The following RPS6KA6 variants were observed in gnomAD, a reference collection of about 807,000 sequenced individuals.
RPS6KA6 encodes ribosomal protein S6 kinase A6.
A neutral mutation model predicts 65.4 loss-of-function variants in RPS6KA6; 27 were observed. The ratio of observed to expected loss-of-function variants is 0.41; its 90% confidence interval spans 0.30 to 0.57. The LOEUF (loss-of-function observed/expected upper bound fraction) is 0.57. Ranked by LOEUF, RPS6KA6 falls within the 20% of genes least tolerant of loss-of-function variation. The pLI, the probability that RPS6KA6 is intolerant of heterozygous loss-of-function variation, is 0.24. For missense variants in RPS6KA6, 486 were observed against 555.6 expected, an observed-to-expected ratio of 0.87 and a Z score of 1.26; for synonymous variants, 190 against 184.2, an observed-to-expected ratio of 1.03 and a Z score of -0.26.
chrX:84,109,336 C>A (rs192312549), intron 12 of RPS6KA6, among the ~76,000 whole-genome samples: 2 of 111,167 alleles, frequency 1.8e-5, no homozygotes, highest in African/African-American at 6.6e-5. Flanking sequence ...CTTGGGACTT[C>A]GACCACATAA....
intron 1 of RPS6KA6, among the ~76,000 whole-genome samples, chrX:84,184,466 G>C (rs1270182415): frequency 9.0e-6 from 1 of 111,659 alleles, no homozygotes; most frequent in Non-Finnish European, 1.9e-5. Flanking sequence ...AACAACTCTT[G>C]AAGATGTTTT....
intron 2 of RPS6KA6, among the ~76,000 whole-genome samples, chrX:84,162,511 A>C (rs1156493866): frequency 8.9e-6 from 1 of 111,772 alleles, no homozygotes; most frequent in Non-Finnish European, 1.9e-5. Flanking sequence ...AGTTGATTGC[A>C]TAAGGTAGAT....
intron 19 of RPS6KA6, among the ~76,000 whole-genome samples, chrX:84,096,872 G>A (rs2034167543): frequency 9.0e-6 from 1 of 110,830 alleles, no homozygotes; most frequent in African/African-American, 3.3e-5. Context: ...TAGATTAATT[G>A]TGCTTGACAT....
rs763192586 is a variant in RPS6KA6 at position 84,129,867 on chromosome X, G to C, written c.646+4915C>G. On this transcript the variant is annotated intron_variant, in intron 8 of 21. Transcript: ENST00000262752. ...GGAAGGGTACGGGGGAAGGGACTTA[G>C]GGGATGAGGGATGGATAATGGGTGC... 2.3e-3 allele frequency among the ~76,000 whole-genome samples: 254 copies of C among 111,225 alleles called. 2 individuals carry two copies. The highest frequency in any genetic ancestry group is 7.9e-3 in the African/African-American group (244 of 30,721).
intron 12 of RPS6KA6, among the ~76,000 whole-genome samples, chrX:84,108,223 T>C (rs972330589): frequency 8.9e-6 from 1 of 112,092 alleles, no homozygotes; most frequent in East Asian, 2.8e-4. Context: ...TAATAATATA[T>C]AAAAGCCACT....
Position 84,070,195 on chromosome X carries a change from A to G in RPS6KA6, c.1972-5084T>C, listed in dbSNP as rs150159250. Among the ~76,000 whole-genome samples, 1,089 of 112,284 alleles carry G rather than the reference A, an allele frequency of 9.7e-3. 17 individuals carry two copies. The highest frequency in any genetic ancestry group is 0.034 in the African/African-American group (1,046 of 30,894). On this transcript the variant is annotated intron_variant, in intron 20 of 21. Coordinates refer to ENST00000262752, the MANE Select transcript of RPS6KA6 (RefSeq NM_014496.5). ...CGATGACAGACTGGATGAAGAATAA[A>G]TGGCACATATACAACATGGAATATT... is the stretch of plus-strand genomic sequence containing the variant.
At chrX:84,122,212 A>T (rs1303031896) in intron 8 of RPS6KA6, among the ~76,000 whole-genome samples, 1 of 111,195 alleles carries the variant, frequency 9.0e-6, no homozygotes, top group African/African-American at 3.3e-5. Flanking sequence ...CCATGCAGTG[A>T]GGAGAGTCTT....
chrX:84,142,338 CAA>C (rs2035120708), intron 6 of RPS6KA6, among the ~76,000 whole-genome samples: 1 of 110,457 alleles, frequency 9.1e-6, no homozygotes, highest in African/African-American at 3.3e-5. Flanking sequence ...TGATGCATAT[CAA>C]AACTTGTGAG....
intron 20 of RPS6KA6, among the ~76,000 whole-genome samples, chrX:84,073,907 C>T (rs958222064): frequency 5.4e-5 from 6 of 110,720 alleles, no homozygotes; most frequent in African/African-American, 1.3e-4. Context: ...ATGGGAAATG[C>T]GCTATACTAT....
At chrX:84,116,054 C>T (rs760366607) in intron 12 of RPS6KA6, among the ~76,000 whole-genome samples, 175 bp downstream of exon 12, 17 of 110,691 alleles carry the variant, frequency 1.5e-4, no homozygotes, top group South Asian at 7.7e-4. Context: ...AATACATCCA[C>T]GGAAAAAACC....
chrX:84,131,833 G>A (rs1006739807), intron 8 of RPS6KA6, among the ~76,000 whole-genome samples: 8 of 111,385 alleles, frequency 7.2e-5, no homozygotes, highest in Middle Eastern at 4.2e-3. Flanking sequence ...TTATTTTGGG[G>A]GGTAGGTTTG....
intron 14 of RPS6KA6, 83 bp from the exon 15 acceptor site, chrX:84,106,570 C>T: frequency 1.5e-6 from 1 of 665,119 alleles, no homozygotes; most frequent in East Asian, 3.7e-5. Context: ...ATACATTCAT[C>T]TTAAGCCTTA....
chrX:84,142,101 C>T (rs2035115626), intron 6 of RPS6KA6, among the ~76,000 whole-genome samples: 1 of 111,141 alleles, frequency 9.0e-6, no homozygotes, highest in Admixed American at 9.6e-5. Flanking sequence ...GGAACATTTA[C>T]CAAGATACAC....
chrX:84,145,572 G>A lies in RPS6KA6; in HGVS notation c.422-15C>T. 1.1e-6 allele frequency: 1 copy of A among 948,491 alleles called. No individual in the cohort carries two copies. The highest frequency in any genetic ancestry group is 2.3e-5 in the South Asian group (1 of 42,661). 78.2% of individuals were successfully genotyped at this position (948,491 alleles called of 1,213,427 possible). A position where few individuals can be genotyped will look rare whatever the true frequency, so the allele number is the denominator to read the frequency against. ...AGTCTGAAAGGCTAATTAAAAATTA[G>A]AATATAGTAACAGGATAATCTCAAA... On this transcript the variant is annotated splice_polypyrimidine_tract_variant and intron_variant, in intron 5 of 21. Coordinates refer to ENST00000262752, the MANE Select transcript of RPS6KA6 (RefSeq NM_014496.5).
Position 84,063,679 on chromosome X carries a change from T to G in RPS6KA6, c.*598A>C, listed in dbSNP as rs1360623613. 1 of 112,026 alleles carries G rather than the reference T, an allele frequency of 8.9e-6. No homozygotes were observed. Among genetic ancestry groups the G allele is most frequent in the Admixed American group, 9.5e-5 (1 of 10,526 alleles). The allele number at this position is 112,026 out of a possible 1,213,427, so 9.2% of individuals were successfully genotyped here. ...TGAGATATAATTCTTCTATAAAAACTTTGGCACCAACTATATCAAGAATTC... is the reference window on the plus strand; with the variant it reads ...TGAGATATAATTCTTCTATAAAAACGTTGGCACCAACTATATCAAGAATTC... On this transcript the variant is annotated 3_prime_UTR_variant, in exon 22 of 22. Transcript: ENST00000262752.
intron 20 of RPS6KA6, among the ~76,000 whole-genome samples, chrX:84,091,046 C>A (rs759725150): frequency 1.8e-5 from 2 of 111,836 alleles, no homozygotes; most frequent in African/African-American, 6.5e-5. Context: ...CTCTGCCACT[C>A]ATTAATGTGT....
intron 16 of RPS6KA6, among the ~76,000 whole-genome samples, chrX:84,105,471 G>A (rs998240782): frequency 2.7e-5 from 3 of 111,004 alleles, no homozygotes; most frequent in Non-Finnish European, 5.7e-5. Context: ...CCAGTCTCCT[G>A]TATCTTCTGT....
At chrX:84,123,149 C>T (rs1436585288) in intron 8 of RPS6KA6, among the ~76,000 whole-genome samples, 2 of 111,502 alleles carry the variant, frequency 1.8e-5, no homozygotes, top group Non-Finnish European at 3.8e-5. Context: ...GGATTCATTG[C>T]CTGCTGATTA....
chrX:84,070,496 C>A (rs2147331691), intron 20 of RPS6KA6, among the ~76,000 whole-genome samples: 1 of 110,577 alleles, frequency 9.0e-6, no homozygotes, highest in South Asian at 3.9e-4. Context: ...ACCACCATGG[C>A]ACATGTATAC....
Sources: allele counts gnomAD v4.1 joint callset (sites outside exome capture counted in the v4.1 genomes callset), GRCh38; gene constraint gnomAD v4.1.1; transcripts MANE v1.5; gene names NCBI Gene and HGNC (gene_info 2026-07-23, HGNC 2026-07-21).